Variants in ZHX3 observed in about 807,000 individuals in gnomAD.
ZHX3 encodes the protein zinc fingers and homeoboxes 3, also known as zinc fingers and homeoboxes protein 3.
ZHX3 carries 20 observed loss-of-function variants against 64.5 expected under a neutral mutation model. That is an observed-to-expected ratio of 0.31 (90% CI 0.22 to 0.45). ZHX3 has a LOEUF of 0.45. Ranked by LOEUF, ZHX3 falls within the 20% of genes least tolerant of loss-of-function variation. The pLI is 1.00. For synonymous variants in ZHX3, 423 were observed against 461.6 expected, an observed-to-expected ratio of 0.92 and a Z score of 1.07; for missense variants, 1,041 against 1,195.8, an observed-to-expected ratio of 0.87 and a Z score of 1.91.
rs143914645 is a variant in ZHX3 at position 41,219,280 on chromosome 20, T to C, written c.-150-14214A>G. Among the ~76,000 whole-genome samples, 562 of 152,286 alleles carry C rather than the reference T, an allele frequency of 3.7e-3. 7 individuals are homozygous for C. Among genetic ancestry groups the C allele is most frequent in the African/African-American group, 0.013 (525 of 41,554 alleles). ...AATCACCAACAGAAATAGCCCACTC[T>C]AGTCAGATATTATCACCTCTAAAGT... is the stretch of plus-strand genomic sequence containing the variant. On this transcript the variant is annotated intron_variant, in intron 2 of 3. Coordinates refer to ENST00000683867, the MANE Select transcript of ZHX3 (RefSeq NM_001384317.1). This position sits in a 1 kb window ranked among gnomAD's most constrained non-coding sequence, Gnocchi z 5.0.
At chr20:41,315,931 G>A (rs924784432) in intron 1 of ZHX3, among the ~76,000 whole-genome samples, 3 of 150,250 alleles carry the variant, frequency 2.0e-5, no homozygotes, top group African/African-American at 7.3e-5. Flanking sequence ...GAATTACTTT[G>A]GTAATTTTTA....
intron 2 of ZHX3, among the ~76,000 whole-genome samples, chr20:41,251,225 T>A (rs934151485): frequency 1.3e-5 from 2 of 152,076 alleles, no homozygotes; most frequent in African/African-American, 4.8e-5. Context: ...GCAGGAATAT[T>A]GCTTGAGTCT....
chr20:41,274,184 T>C (rs935229076), intron 1 of ZHX3, among the ~76,000 whole-genome samples: 5 of 152,236 alleles, frequency 3.3e-5, no homozygotes, highest in Non-Finnish European at 5.9e-5. Flanking sequence ...TGCTTTGGGC[T>C]ATGGAAAAGG....
chr20:41,219,301 A>G lies in ZHX3; in HGVS notation c.-150-14235T>C, dbSNP rs1254931488. Among the ~76,000 whole-genome samples, 1 of 152,196 alleles carries G rather than the reference A, an allele frequency of 6.6e-6. No individual in the cohort carries two copies. Among genetic ancestry groups the G allele is most frequent in the Non-Finnish European group, 1.5e-5 (1 of 68,032 alleles). On this transcript the variant is annotated intron_variant, in intron 2 of 3. Coordinates refer to ENST00000683867, the MANE Select transcript of ZHX3 (RefSeq NM_001384317.1). This position sits in a 1 kb window ranked among gnomAD's most constrained non-coding sequence, Gnocchi z 5.0. ...ACTCTAGTCAGATATTATCACCTCT[A>G]AAGTAAACATTAATTTGTTCTTTCT...
At chr20:41,193,389 C>T (rs977463045) in intron 3 of ZHX3, among the ~76,000 whole-genome samples, 6 of 152,086 alleles carry the variant, frequency 3.9e-5, no homozygotes, top group East Asian at 1.9e-4. Context: ...AAATGTATTC[C>T]TAAGCACTTT....
At chr20:41,250,878 G>T (rs2041959324) in intron 2 of ZHX3, among the ~76,000 whole-genome samples, 1 of 152,114 alleles carries the variant, frequency 6.6e-6, no homozygotes, top group Admixed American at 6.5e-5. Flanking sequence ...CGGGCACACT[G>T]GCTCACGCCT....
At chr20:41,191,231 CTTTTT>C (rs3082121) in intron 3 of ZHX3, among the ~76,000 whole-genome samples, 38,414 of 151,796 alleles carry the variant, frequency 0.25, 5,577 homozygotes, top group East Asian at 0.73. Context: ...ATTTTTTATT[CTTTTT>C]TATTTCTGAG....
intron 3 of ZHX3, among the ~76,000 whole-genome samples, chr20:41,196,409 T>A (rs1056298155): frequency 1.1e-3 from 56 of 52,716 alleles, no homozygotes; most frequent in African/African-American, 1.3e-3. Context: ...ATATTATATA[T>A]TATATATAAT....
intron 2 of ZHX3, among the ~76,000 whole-genome samples, chr20:41,238,536 C>T (rs768315710): frequency 1.3e-5 from 2 of 152,158 alleles, no homozygotes; most frequent in Non-Finnish European, 2.9e-5. Flanking sequence ...GACAAATTTA[C>T]ATGATGCTTC....
intron 1 of ZHX3, among the ~76,000 whole-genome samples, chr20:41,313,856 A>C (rs753606440): frequency 8.5e-5 from 13 of 152,148 alleles, no homozygotes; most frequent in Non-Finnish European, 1.5e-4. Context: ...TTGGCCTCCC[A>C]AAGTGCTGGG....
chr20:41,230,303 G>A lies in ZHX3; in HGVS notation c.-150-25237C>T, dbSNP rs187081028. Among the ~76,000 whole-genome samples, 153 of 152,118 alleles carry A rather than the reference G, an allele frequency of 1.0e-3. 1 individual carries two copies. Among genetic ancestry groups the A allele is most frequent in the South Asian group, 5.0e-3 (24 of 4,826 alleles). ...CTAGATGCTTCAGACTGGAGCCACC[G>A]GGCAGTGTGGAGAGCAACAGCTAAC... is the stretch of plus-strand genomic sequence containing the variant. On this transcript the variant is annotated intron_variant, in intron 2 of 3. Coordinates refer to ENST00000683867, the MANE Select transcript of ZHX3 (RefSeq NM_001384317.1).
At chr20:41,288,512 A>C (rs2044051273) in intron 1 of ZHX3, among the ~76,000 whole-genome samples, 1 of 152,238 alleles carries the variant, frequency 6.6e-6, no homozygotes, top group Non-Finnish European at 1.5e-5. Flanking sequence ...AAATGAAAAG[A>C]TCTTGAGATG....
intron 2 of ZHX3, among the ~76,000 whole-genome samples, chr20:41,251,316 G>A (rs556284312): frequency 1.3e-5 from 2 of 152,038 alleles, no homozygotes; most frequent in East Asian, 3.9e-4. Flanking sequence ...GAAGGTAAAG[G>A]GACCTGAATG....
rs751176789 is a variant in ZHX3 at position 41,183,953 on chromosome 20, A to G, written c.*1238T>C. The G allele has an allele frequency of 3.3e-5, 5 of 152,252 alleles. No individual in the cohort carries two copies. Among genetic ancestry groups the G allele is most frequent in the Non-Finnish European group, 7.3e-5 (5 of 68,052 alleles). 9.4% of individuals were successfully genotyped at this position (152,252 alleles called of 1,614,324 possible). ...TGTTTCCAAGTTTGGGGACATAAAT[A>G]TAAAACTTTAAAAGCATCCTCACAA... On this transcript the variant is annotated 3_prime_UTR_variant, in exon 4 of 4. Coordinates refer to ENST00000683867, the MANE Select transcript of ZHX3 (RefSeq NM_001384317.1). The surrounding 1 kb of genome is among the most constrained non-coding windows in gnomAD (Gnocchi z 5.3).
At chr20:41,274,891 TA>T (rs11478283) in intron 1 of ZHX3, among the ~76,000 whole-genome samples, 87,535 of 151,982 alleles carry the variant, frequency 0.58, 26,460 homozygotes, top group East Asian at 0.82. Context: ...TGCGGTGGCT[TA>T]ATGCCTGTAA....
At chr20:41,225,551 G>C (rs988546355) in intron 2 of ZHX3, among the ~76,000 whole-genome samples, 1 of 152,160 alleles carries the variant, frequency 6.6e-6, no homozygotes, top group Non-Finnish European at 1.5e-5. Flanking sequence ...ACAGTGGCGT[G>C]ATCTTGACTC....
chr20:41,187,258 G>A (rs1163749864), intron 3 of ZHX3, among the ~76,000 whole-genome samples: 3 of 146,516 alleles, frequency 2.0e-5, no homozygotes, highest in Non-Finnish European at 4.4e-5. Flanking sequence ...TTGAGCCCAG[G>A]AGTTTGAAAC....
intron 2 of ZHX3, among the ~76,000 whole-genome samples, chr20:41,240,629 G>A (rs1013208360): frequency 7.9e-5 from 12 of 151,878 alleles, no homozygotes; most frequent in African/African-American, 2.4e-5. Context: ...TTGTACCCAC[G>A]AACCATCCCT....
intron 1 of ZHX3, among the ~76,000 whole-genome samples, chr20:41,314,040 TTAAAAA>T (rs1244175731): frequency 6.6e-6 from 1 of 152,216 alleles, no homozygotes; most frequent in Non-Finnish European, 1.5e-5. Flanking sequence ...ATCCTTTTTC[TTAAAAA>T]TAAGAAGCAA....
Sources: gnomAD v4.1 joint callset for allele counts (sites outside exome capture counted in the v4.1 genomes callset) on GRCh38, gnomAD v4.1.1 for gene constraint, Gnocchi (gnomAD v3.1) non-coding constraint, MANE v1.5 for transcripts, NCBI Gene and HGNC (gene_info 2026-07-23, HGNC 2026-07-21) for gene names.